Variants in EFL1 observed in about 807,000 individuals in gnomAD.
The protein encoded by EFL1 is elongation factor-like GTPase 1.
Under a neutral mutation model 126.7 loss-of-function variants are expected in EFL1, and 76 were observed. The observed-to-expected ratio is 0.60, with a 90% confidence interval of 0.50 to 0.73. The LOEUF (loss-of-function observed/expected upper bound fraction) is 0.73. Among genes scored for constraint, EFL1 ranks in the 30% least tolerant of loss-of-function variants. The pLI is 0.00. For synonymous variants in EFL1, 410 were observed against 448.4 expected, an observed-to-expected ratio of 0.91 and a Z score of 1.08; for missense variants, 1,128 against 1,343.2, an observed-to-expected ratio of 0.84 and a Z score of 2.50.
At chr15:82,163,451 G>T (rs942535186) in intron 16 of EFL1, among the ~76,000 whole-genome samples, 2 of 152,214 alleles carry the variant, frequency 1.3e-5, no homozygotes, top group African/African-American at 4.8e-5. Context: ...TGAGGCAGGA[G>T]AATCGCTTGA....
intron 19 of EFL1, among the ~76,000 whole-genome samples, chr15:82,132,943 C>G (rs1015780470): frequency 6.6e-6 from 1 of 151,964 alleles, no homozygotes; most frequent in Non-Finnish European, 1.5e-5. Context: ...AATGTCAACA[C>G]GATACCAGTA....
At chr15:82,225,565 C>A (rs1372922153) in intron 11 of EFL1, among the ~76,000 whole-genome samples, 1 of 152,160 alleles carries the variant, frequency 6.6e-6, no homozygotes, top group Non-Finnish European at 1.5e-5. Flanking sequence ...TAACCACCTA[C>A]CATAAGCACT....
chr15:82,134,603 A>C (rs933852573), intron 19 of EFL1, among the ~76,000 whole-genome samples: 2 of 152,226 alleles, frequency 1.3e-5, no homozygotes, highest in Admixed American at 6.5e-5. Flanking sequence ...GGCAGGTGGA[A>C]AATACCATGT....
At chr15:82,150,117 A>G (rs2073891670) in intron 18 of EFL1, among the ~76,000 whole-genome samples, 1 of 152,224 alleles carries the variant, frequency 6.6e-6, no homozygotes, top group South Asian at 2.1e-4. Flanking sequence ...AGCACTGTAT[A>G]TGACATGCTG....
At chr15:82,137,192 T>A (rs1009394123) in intron 19 of EFL1, among the ~76,000 whole-genome samples, 2 of 152,176 alleles carry the variant, frequency 1.3e-5, no homozygotes, top group Non-Finnish European at 2.9e-5. Context: ...CACTTGATTA[T>A]AAATTTCATT....
Position 82,150,819 on chromosome 15 carries a change from C to A in EFL1, c.2989+646G>T, listed in dbSNP as rs529296506. Among the ~76,000 whole-genome samples, 4 of 152,266 alleles carry A rather than the reference C, an allele frequency of 2.6e-5. No individual in the cohort carries two copies. The East Asian group carries it at 7.7e-4, about 29-fold the overall frequency. ...CCTTATTCTTTGATCATTTTCAGAA[C>A]AACTTTGGTTACCCAGACTGATATG... On this transcript the variant is annotated intron_variant, in intron 18 of 19. Coordinates refer to ENST00000268206, the MANE Select transcript of EFL1 (RefSeq NM_024580.6).
At chr15:82,260,992 C>G (rs1336192554) in intron 2 of EFL1, among the ~76,000 whole-genome samples, 1 of 152,242 alleles carries the variant, frequency 6.6e-6, no homozygotes, top group East Asian at 1.9e-4. Context: ...GTCAGAAGAA[C>G]ATACCATGGG....
intron 15 of EFL1, among the ~76,000 whole-genome samples, chr15:82,207,553 C>A (rs2074538666): frequency 6.6e-6 from 1 of 152,014 alleles, no homozygotes; most frequent in Non-Finnish European, 1.5e-5. Flanking sequence ...GAACTGTGTA[C>A]TTTTTAAAAT....
intron 16 of EFL1, among the ~76,000 whole-genome samples, chr15:82,163,455 C>T (rs2074044149): frequency 1.3e-5 from 2 of 152,106 alleles, no homozygotes; most frequent in Non-Finnish European, 2.9e-5. Context: ...GCAGGAGAAT[C>T]GCTTGAACCC....
chr15:82,254,988 A>G (rs1342417106), intron 3 of EFL1, among the ~76,000 whole-genome samples: 1 of 152,154 alleles, frequency 6.6e-6, no homozygotes, highest in African/African-American at 2.4e-5. Context: ...AGTTTTTTGT[A>G]ACTATTACTG....
intron 15 of EFL1, among the ~76,000 whole-genome samples, chr15:82,203,011 C>T (rs773782967): frequency 3.3e-5 from 5 of 152,076 alleles, no homozygotes; most frequent in Non-Finnish European, 7.4e-5. Flanking sequence ...GAGGTTTCAC[C>T]ATGTTGGCCA....
At chr15:82,205,538 A>G (rs978509177) in intron 15 of EFL1, among the ~76,000 whole-genome samples, 3 of 150,686 alleles carry the variant, frequency 2.0e-5, no homozygotes, top group Admixed American at 6.6e-5. Flanking sequence ...ACTCCAGTAA[A>G]TACACACACA....
At chr15:82,189,047 C>T (rs561622402) in intron 15 of EFL1, among the ~76,000 whole-genome samples, 59 of 151,728 alleles carry the variant, frequency 3.9e-4, no homozygotes, top group Non-Finnish European at 7.8e-4. Flanking sequence ...ACAGAGTATA[C>T]TTACACACAA....
At chr15:82,157,534 C>A in intron 17 of EFL1, 179 bp downstream of exon 17, 1 of 680,742 alleles carries the variant, frequency 1.5e-6, no homozygotes, top group Non-Finnish European at 2.2e-6. Context: ...GCAGTGAATG[C>A]CATTTTTCAG....
intron 15 of EFL1, among the ~76,000 whole-genome samples, chr15:82,187,401 T>C (rs1177772928): frequency 6.6e-6 from 1 of 152,208 alleles, no homozygotes; most frequent in East Asian, 1.9e-4. Context: ...ACTTAGGAGA[T>C]TGTATTTTAA....
At chr15:82,174,010 A>T (rs1427952137) in intron 15 of EFL1, among the ~76,000 whole-genome samples, 1 of 152,152 alleles carries the variant, frequency 6.6e-6, no homozygotes, top group Non-Finnish European at 1.5e-5. Flanking sequence ...TAACATGGTG[A>T]AACCCTGCCT....
chr15:82,242,047 C>T (rs1396534049), intron 4 of EFL1, among the ~76,000 whole-genome samples: 2 of 152,006 alleles, frequency 1.3e-5, no homozygotes, highest in Admixed American at 6.6e-5. Flanking sequence ...GGTTTTAGCA[C>T]GGAAATTCCC....
Position 82,247,772 on chromosome 15 carries a change from A to G in EFL1, c.244+4919T>C, listed in dbSNP as rs139960771. Among the ~76,000 whole-genome samples the G allele has an allele frequency of 1.1e-4, 17 of 152,234 alleles. No homozygotes were observed. In the East Asian group the frequency reaches 3.1e-3, roughly 28 times the overall value. On this transcript the variant is annotated intron_variant, in intron 4 of 19. Coordinates refer to ENST00000268206, the MANE Select transcript of EFL1 (RefSeq NM_024580.6). ...TTTGGTAAGGAAGGGAATAATGGGA[A>G]ATTGAAAGAGGGTGTCAGAATCACA...
intron 6 of EFL1, 40 bp downstream of exon 6, chr15:82,240,378 C>A: frequency 6.5e-7 from 1 of 1,539,374 alleles, no homozygotes; most frequent in South Asian, 1.2e-5. Context: ...TACAACTCTT[C>A]TTCGTGGCTA....
Sources: allele counts gnomAD v4.1 joint callset (sites outside exome capture counted in the v4.1 genomes callset), GRCh38; gene constraint gnomAD v4.1.1; transcripts MANE v1.5; gene names NCBI Gene and HGNC (gene_info 2026-07-23, HGNC 2026-07-21).